KIAA1328: variants seen among roughly 807,000 people sequenced by gnomAD.
The protein encoded by KIAA1328 is protein hinderin.
A neutral mutation model predicts 68.1 loss-of-function variants in KIAA1328; 52 were observed. The ratio of observed to expected loss-of-function variants is 0.76; its 90% CI spans 0.61 to 0.96. KIAA1328 has a LOEUF of 0.96. KIAA1328 is among the 40% of genes least tolerant of loss of function. The pLI, the probability that KIAA1328 is intolerant of heterozygous loss-of-function variation, is 0.00. For synonymous variants in KIAA1328, 232 were observed against 239.4 expected, an observed-to-expected ratio of 0.97 and a Z score of 0.28; for missense variants, 641 against 677.6, an observed-to-expected ratio of 0.95 and a Z score of 0.60.
At chr18:36,988,844 G>A (rs1014084181) in intron 6 of KIAA1328, among the ~76,000 whole-genome samples, 1 of 151,786 alleles carries the variant, frequency 6.6e-6, no homozygotes, top group Non-Finnish European at 1.5e-5. Flanking sequence ...GTTACCTTGG[G>A]CAGATTAGTT....
At chr18:36,835,696 C>T (rs540193438) in intron 3 of KIAA1328, among the ~76,000 whole-genome samples, 1 of 152,268 alleles carries the variant, frequency 6.6e-6, no homozygotes, top group South Asian at 2.1e-4. Flanking sequence ...TTTAATTAGG[C>T]ATCCTTTTTG....
At chr18:37,177,700 T>C (rs967736831) in intron 9 of KIAA1328, among the ~76,000 whole-genome samples, 54 of 152,288 alleles carry the variant, frequency 3.5e-4, no homozygotes, top group Admixed American at 7.8e-4. Flanking sequence ...TTTGTTTCTT[T>C]TTGAGTTACT....
At chr18:37,029,359 G>A (rs939114386) in intron 6 of KIAA1328, among the ~76,000 whole-genome samples, 3 of 151,882 alleles carry the variant, frequency 2.0e-5, no homozygotes, top group African/African-American at 4.8e-5. Flanking sequence ...GGCAATGTCT[G>A]CCTCGTCATT....
intron 6 of KIAA1328, among the ~76,000 whole-genome samples, chr18:36,993,108 A>G (rs2053254123): frequency 6.6e-6 from 1 of 152,196 alleles, no homozygotes; most frequent in South Asian, 2.1e-4. Context: ...CCTGTCTCAA[A>G]AAAACAAACA....
chr18:37,057,906 C>CA (rs749294208), intron 6 of KIAA1328, among the ~76,000 whole-genome samples: 2 of 151,354 alleles, frequency 1.3e-5, no homozygotes, highest in Non-Finnish European at 2.9e-5. Context: ...TGGCCCTTTA[C>CA]AAAAAAAAAG....
chr18:37,059,239 A>G (rs994381887), intron 6 of KIAA1328, among the ~76,000 whole-genome samples: 1 of 152,182 alleles, frequency 6.6e-6, no homozygotes, highest in African/African-American at 2.4e-5. Flanking sequence ...CTCTGAGTTA[A>G]GAATAGCCTA....
At chr18:37,052,362 AC>A in intron 6 of KIAA1328, among the ~76,000 whole-genome samples, 1 of 152,290 alleles carries the variant, frequency 6.6e-6, no homozygotes, top group African/African-American at 2.4e-5. Flanking sequence ...AGAGGAACTT[AC>A]GACAAATACA....
chr18:36,929,760 T>A (rs2050246969), intron 5 of KIAA1328, among the ~76,000 whole-genome samples: 2 of 152,052 alleles, frequency 1.3e-5, no homozygotes, highest in African/African-American at 2.4e-5. Flanking sequence ...GTTAGCAGTC[T>A]GCAGCCTGGA....
rs1023398745 is a variant in KIAA1328, at chr18:37,222,751, C to T, written c.*524C>T. On this transcript the variant is annotated 3_prime_UTR_variant, in exon 10 of 10. Transcript: ENST00000280020. Reference sequence around the variant, plus strand: ...AATTCTGAAGTTGGAGTTGGTGCCCCTGCCATCACAAACAACACGAGAGCC... The same window carrying T: ...AATTCTGAAGTTGGAGTTGGTGCCCTTGCCATCACAAACAACACGAGAGCC... The T allele has an allele frequency of 1.0e-6, 1 of 994,134 alleles. No individual in the cohort carries two copies. Among genetic ancestry groups the T allele is most frequent in the African/African-American group, 1.7e-5 (1 of 57,264 alleles). 61.6% of individuals were successfully genotyped at this position (994,134 alleles called of 1,614,324 possible). A position where few individuals can be genotyped will look rare whatever the true frequency, so the allele number is the denominator to read the frequency against.
intron 7 of KIAA1328, among the ~76,000 whole-genome samples, chr18:37,159,585 G>A (rs1314727632): frequency 6.6e-6 from 1 of 152,106 alleles, no homozygotes; most frequent in Admixed American, 6.5e-5. Context: ...ATATGCTAAT[G>A]GTGGGAACAC....
chr18:37,104,582 G>C (rs990235157), intron 7 of KIAA1328, among the ~76,000 whole-genome samples: 1 of 152,082 alleles, frequency 6.6e-6, no homozygotes, highest in East Asian at 1.9e-4. Flanking sequence ...TCTAGCATTC[G>C]ATAGCACAGG....
At chr18:37,081,852 C>T (rs76904936) in intron 7 of KIAA1328, among the ~76,000 whole-genome samples, 2,008 of 152,244 alleles carry the variant, frequency 0.013, 43 homozygotes, top group African/African-American at 0.046. Flanking sequence ...CATTATAACA[C>T]GGTCAAAATC....
At chr18:36,854,361 A>G (rs1159177039) in intron 4 of KIAA1328, among the ~76,000 whole-genome samples, 1 of 152,218 alleles carries the variant, frequency 6.6e-6, no homozygotes, top group Admixed American at 6.5e-5. Flanking sequence ...TATGGTGCTC[A>G]TTAACTTGGA....
intron 5 of KIAA1328, among the ~76,000 whole-genome samples, chr18:36,943,857 A>G (rs989222673): frequency 6.6e-6 from 1 of 152,178 alleles, no homozygotes; most frequent in South Asian, 2.1e-4. Flanking sequence ...CAAATCAGGA[A>G]CTAATCATGA....
At chr18:37,188,198 A>C (rs1381810616) in intron 9 of KIAA1328, among the ~76,000 whole-genome samples, 1 of 152,118 alleles carries the variant, frequency 6.6e-6, no homozygotes, top group Non-Finnish European at 1.5e-5. Context: ...CTCAGAGGGG[A>C]GTCCTTAGTC....
chr18:37,162,845 CT>C (rs1009222472), intron 8 of KIAA1328, among the ~76,000 whole-genome samples: 2 of 151,432 alleles, frequency 1.3e-5, no homozygotes, highest in African/African-American at 4.9e-5. Context: ...CTCTCCTATC[CT>C]CCTCACCATT....
intron 4 of KIAA1328, among the ~76,000 whole-genome samples, chr18:36,863,987 G>A (rs188438869): frequency 2.0e-5 from 3 of 152,138 alleles, no homozygotes; most frequent in Admixed American, 1.3e-4. Flanking sequence ...CTTTCCAATA[G>A]GTATCTCTTT....
At chr18:36,972,509 A>G (rs1164352394) in intron 6 of KIAA1328, among the ~76,000 whole-genome samples, 1 of 152,146 alleles carries the variant, frequency 6.6e-6, no homozygotes, top group Non-Finnish European at 1.5e-5. Context: ...GTCTAACCAC[A>G]GAAGGATCAA....
At chr18:37,211,482 A>G (rs1034476785) in intron 9 of KIAA1328, among the ~76,000 whole-genome samples, 5 of 152,200 alleles carry the variant, frequency 3.3e-5, no homozygotes, top group Admixed American at 2.6e-4. Flanking sequence ...TGTCACTTGC[A>G]TGCTATGGAA....
Sources: gnomAD v4.1 joint callset for allele counts (sites outside exome capture counted in the v4.1 genomes callset) on GRCh38, gnomAD v4.1.1 for gene constraint, MANE v1.5 for transcripts, NCBI Gene and HGNC (gene_info 2026-07-23, HGNC 2026-07-21) for gene names.